The following WDR11 variants were observed in gnomAD, a reference collection of about 807,000 sequenced individuals.
WDR11 encodes the protein WD repeat-containing protein 11.
A neutral mutation model predicts 151.2 loss-of-function variants in WDR11; 83 were observed. The observed-to-expected ratio is 0.55, with a 90% CI of 0.46 to 0.66. The LOEUF (loss-of-function observed/expected upper bound fraction) is 0.66. WDR11 is among the 30% of genes least tolerant of loss of function. The pLI, the probability that WDR11 is intolerant of heterozygous loss-of-function variation, is 0.00. For missense variants in WDR11, 1,301 were observed against 1,480.9 expected (o/e 0.88, Z 1.99); for synonymous variants, 484 against 533.1 (o/e 0.91, Z 1.27).
rs1848054269 is a variant in WDR11, at chr10:120,906,550, T to A, written c.3438-226T>A. 3 of 1,398,188 alleles carry A rather than the reference T, an allele frequency of 2.1e-6. No individual in the cohort carries two copies. In the Admixed American group the frequency reaches 8.7e-5, roughly 41 times the overall value. 86.6% of individuals were successfully genotyped at this position (1,398,188 alleles called of 1,614,324 possible). ...TCTGTAGATTTTTGTGTATTTAAAC[T>A]ATTTCACAATTTTTTAAAGTATTAA... is the stretch of plus-strand genomic sequence containing the variant. On this transcript the variant is annotated intron_variant, in intron 27 of 28. Transcript: ENST00000263461.
chr10:120,908,796 G>T lies in WDR11; in HGVS notation c.*83G>T. ...GGCTGTGGCCACCGTCACAGTCCAG[G>T]ATGAAGAGGAGTACAGGGTCCTGTG... On this transcript the variant is annotated 3_prime_UTR_variant, in exon 29 of 29. Transcript: ENST00000263461. 6.7e-7 allele frequency: 1 copy of T among 1,489,638 alleles called. No individual in the cohort carries two copies. The highest frequency in any genetic ancestry group is 9.3e-7 in the Non-Finnish European group (1 of 1,070,530). 92.3% of individuals were successfully genotyped at this position (1,489,638 alleles called of 1,614,324 possible).
Position 120,859,393 on chromosome 10 carries a change from G to A in WDR11, c.352+597G>A, listed in dbSNP as rs549935448. ...CGCCATTCTCCTGCCTCAGCCTCCCGAGTAGCTGGGACCACAGGCACACAC... is the reference window on the plus strand; with the variant it reads ...CGCCATTCTCCTGCCTCAGCCTCCCAAGTAGCTGGGACCACAGGCACACAC... On this transcript the variant is annotated intron_variant, in intron 3 of 28. Transcript: ENST00000263461. Among the ~76,000 whole-genome samples, 11 of 150,460 alleles carry A rather than the reference G, an allele frequency of 7.3e-5. No homozygotes were observed. The South Asian group carries it at 1.9e-3, about 26-fold the overall frequency.
At chr10:120,899,069 G>T (rs1847715506) in intron 19 of WDR11, among the ~76,000 whole-genome samples, 1 of 152,116 alleles carries the variant, frequency 6.6e-6, no homozygotes, top group Non-Finnish European at 1.5e-5. Context: ...AGTGTAGGGT[G>T]GTCAGAGCAG....
chr10:120,890,366 C>T (rs1467254435), intron 18 of WDR11, among the ~76,000 whole-genome samples: 1 of 152,152 alleles, frequency 6.6e-6, no homozygotes, highest in Non-Finnish European at 1.5e-5. Context: ...GCATGTGCCA[C>T]CACGCCCGGC....
intron 4 of WDR11, among the ~76,000 whole-genome samples, chr10:120,861,702 T>G (rs1173603615): frequency 6.6e-6 from 1 of 152,196 alleles, no homozygotes; most frequent in Non-Finnish European, 1.5e-5. Context: ...TTTTTCCCTG[T>G]GTTTAGAGCA....
chr10:120,863,326 T>C (rs3758507), intron 5 of WDR11, among the ~76,000 whole-genome samples: 46,084 of 152,090 alleles, frequency 0.3, 7,390 homozygotes, highest in East Asian at 0.42. Flanking sequence ...GGAGTGTTTT[T>C]CTTATGCAGG....
chr10:120,888,479 T>G (rs1433939897), intron 16 of WDR11, among the ~76,000 whole-genome samples: 1 of 152,350 alleles, frequency 6.6e-6, no homozygotes, highest in East Asian at 1.9e-4. Flanking sequence ...CCAAGTTAGA[T>G]TGACTACAGC....
At chr10:120,899,795 A>T in intron 19 of WDR11, 2 of 559,312 alleles carry the variant, frequency 3.6e-6, no homozygotes, top group Non-Finnish European at 6.3e-6. Flanking sequence ...AAAAAAAATA[A>T]AATAAAAAAT....
Position 120,878,469 on chromosome 10 carries a change from T to G in WDR11, c.1663+10T>G. 6.3e-7 allele frequency: 1 copy of G among 1,599,596 alleles called. No individual in the cohort carries two copies. Among genetic ancestry groups the G allele is most frequent in the Non-Finnish European group, 8.6e-7 (1 of 1,167,188 alleles). ...GTTGATCTTCCAACAGGTTTGTTTT[T>G]AAAGATCCAAATAGGTTTGTCATAT... is the stretch of plus-strand genomic sequence containing the variant. On this transcript the variant is annotated intron_variant, in intron 12 of 28. Transcript: ENST00000263461.
rs1466936494 is a variant in WDR11, at chr10:120,908,254, A to G, written c.3518-302A>G. On this transcript the variant is annotated intron_variant, in intron 28 of 28. Transcript: ENST00000263461. The stretch of plus-strand genomic sequence containing the variant: ...TCTCCTCTCTTATCATTCATCTTCC[A>G]ATCTTCAGTTGAGTGTAGGTTATGG... 8 of 364,930 alleles carry G rather than the reference A, an allele frequency of 2.2e-5. 1 individual carries two copies. The highest frequency in any genetic ancestry group is 1.5e-4 in the African/African-American group (6 of 39,192). 22.6% of individuals were successfully genotyped at this position (364,930 alleles called of 1,614,324 possible).
At chr10:120,900,681 C>T (rs1244890073) in intron 20 of WDR11, among the ~76,000 whole-genome samples, 6 of 152,164 alleles carry the variant, frequency 3.9e-5, no homozygotes, top group South Asian at 2.1e-4. Flanking sequence ...TCAGAATATT[C>T]ATTCTGCAGA....
chr10:120,880,667 A>AAC, intron 12 of WDR11, 159 bp from the exon 13 acceptor site: 8 of 688,322 alleles, frequency 1.2e-5, no homozygotes, highest in Non-Finnish European at 1.7e-5. Flanking sequence ...AAAAAAAAAA[A>AAC]CCCGAAAAAA....
chr10:120,865,279 A>G, intron 6 of WDR11, 67 bp downstream of exon 6: 1 of 1,490,120 alleles, frequency 6.7e-7, no homozygotes, highest in Non-Finnish European at 9.3e-7. Context: ...GAAGGCCATA[A>G]TCTTGCATAA....
chr10:120,902,658 TC>T (rs1564723617), intron 22 of WDR11, among the ~76,000 whole-genome samples: 1 of 138,548 alleles, frequency 7.2e-6, no homozygotes, highest in Non-Finnish European at 1.5e-5. Context: ...GTAGAGTTTG[TC>T]ACTTATAAAA....
intron 11 of WDR11, 78 bp downstream of exon 11, chr10:120,874,001 T>A: frequency 1.1e-6 from 1 of 892,202 alleles, no homozygotes; most frequent in Non-Finnish European, 1.9e-6. Context: ...CTACATTGAG[T>A]ACTCTGTAAT....
At chr10:120,901,204 T>G in intron 21 of WDR11, 106 bp downstream of exon 21, 1 of 1,004,312 alleles carries the variant, frequency 1.0e-6, no homozygotes. Context: ...TAGAAAATAT[T>G]AGTGGCCCAA....
intron 2 of WDR11, chr10:120,856,207 G>C (rs1845939883): frequency 6.6e-6 from 1 of 151,994 alleles, no homozygotes; most frequent in South Asian, 2.1e-4. Context: ...TTTCACCTTT[G>C]TTTTCGAAAG....
intron 11 of WDR11, among the ~76,000 whole-genome samples, chr10:120,875,015 T>A (rs1846715720): frequency 6.6e-6 from 1 of 151,908 alleles, no homozygotes. Context: ...TCTCGCTGTG[T>A]CTATGTGTTC....
rs531109558 is a variant in WDR11 at position 120,899,009 on chromosome 10, TA to T, written c.2516-1016del. Among the ~76,000 whole-genome samples the T allele has an allele frequency of 3.0e-3, 456 of 152,310 alleles. 3 individuals are homozygous for T. Among genetic ancestry groups the T allele is most frequent in the Non-Finnish European group, 5.5e-3 (372 of 68,022 alleles). On this transcript the variant is annotated intron_variant, in intron 19 of 28. Coordinates refer to ENST00000263461, the MANE Select transcript of WDR11 (RefSeq NM_018117.12). The stretch of plus-strand genomic sequence containing the variant: ...GGGAGTTGGTAGTAAGGCCAAGTTG[TA>T]AAAGCCAGGGCACCCCTAGAAATTT...
Sources: allele counts gnomAD v4.1 joint callset (sites outside exome capture counted in the v4.1 genomes callset), GRCh38; gene constraint gnomAD v4.1.1; transcripts MANE v1.5; gene names NCBI Gene and HGNC (gene_info 2026-07-23, HGNC 2026-07-21).